The following YTHDC2 variants were observed in gnomAD, a reference collection of about 807,000 sequenced individuals.
YTHDC2 encodes YTH N6-methyladenosine RNA binding protein C2.
Under a neutral mutation model 174.9 loss-of-function variants are expected in YTHDC2, and 45 were observed. The observed-to-expected ratio is 0.26, with a 90% CI of 0.20 to 0.33. The LOEUF (loss-of-function observed/expected upper bound fraction) is 0.33. Among genes scored for constraint, YTHDC2 ranks in the 10% least tolerant of loss-of-function variants. The pLI, the probability that YTHDC2 is intolerant of heterozygous loss-of-function variation, is 1.00. For synonymous variants in YTHDC2, 657 were observed against 574.5 expected, an observed-to-expected ratio of 1.14 and a Z score of -2.05; for missense variants, 1,650 against 1,723.7, an observed-to-expected ratio of 0.96 and a Z score of 0.76.
At chr5:113,542,575 G>C (rs538841623) in intron 10 of YTHDC2, 72 bp downstream of exon 10, 219 of 1,394,778 alleles carry the variant, frequency 1.6e-4, no homozygotes, top group Non-Finnish European at 1.8e-4. Flanking sequence ...AATTCAAAAC[G>C]TATGTACTAC....
chr5:113,535,694 G>A lies in YTHDC2; in HGVS notation c.998G>A (p.Arg333Lys). ...RFSDFLLTKLRDLLQKHPTLK... is the reference protein window; with the variant it reads ...RFSDFLLTKLKDLLQKHPTLK... The stretch of plus-strand genomic sequence containing the variant: ...AGTGATTTTTTACTTACAAAGTTAA[G>A]AGATTTGTTGCAAAAGCACCCAACT... The change falls in exon 7 of 30, where the codon AGA becomes AAA. Residue 333 changes from arginine (R) to lysine (K), a missense_variant. Around this residue, in one of 5 missense-constraint regions of YTHDC2, gnomAD observed 411 missense variants for 380.6 expected, o/e 1.08. Coordinates refer to ENST00000161863, the MANE Select transcript of YTHDC2 (RefSeq NM_022828.5). The A allele has an allele frequency of 6.2e-7, 1 of 1,613,778 alleles. No individual in the cohort carries two copies. The highest frequency in any genetic ancestry group is 8.5e-7 in the Non-Finnish European group (1 of 1,179,872).
intron 23 of YTHDC2, among the ~76,000 whole-genome samples, chr5:113,576,352 T>A (rs1172629410): frequency 1.4e-4 from 21 of 152,214 alleles, no homozygotes; most frequent in Admixed American, 1.4e-3. Flanking sequence ...TAAGTTTGTA[T>A]GAAGAGAGTA....
intron 2 of YTHDC2, among the ~76,000 whole-genome samples, 166 bp downstream of exon 2, chr5:113,515,528 C>T (rs1016150699): frequency 6.6e-6 from 1 of 152,112 alleles, no homozygotes; most frequent in East Asian, 1.9e-4. Flanking sequence ...CAACTCTTTC[C>T]TCTTCCCTCT....
rs563568443 is a variant in YTHDC2, at chr5:113,594,672, A to G, written c.*1198A>G. The G allele has an allele frequency of 2.0e-5, 3 of 152,334 alleles. No individual in the cohort carries two copies. The South Asian group carries it at 6.2e-4, about 32-fold the overall frequency. The allele number at this position is 152,334 out of a possible 1,614,324, so 9.4% of individuals were successfully genotyped here. ...AAATAGAGCAACAGGGAAAAATGAA[A>G]GAAATGTCTTGGTTACTGAGCTCTA... On this transcript the variant is annotated 3_prime_UTR_variant, in exon 30 of 30. Transcript: ENST00000161863.
At chr5:113,541,355 C>G (rs1455481656) in intron 9 of YTHDC2, among the ~76,000 whole-genome samples, 1 of 152,042 alleles carries the variant, frequency 6.6e-6, no homozygotes, top group African/African-American at 2.4e-5. Flanking sequence ...CCATGTCCAG[C>G]TAAATTTTTG....
At chr5:113,562,563 G>A (rs939727970) in intron 18 of YTHDC2, among the ~76,000 whole-genome samples, 9 of 152,116 alleles carry the variant, frequency 5.9e-5, no homozygotes, top group African/African-American at 9.7e-5. Context: ...CCAGTCACAG[G>A]AAGGAAGGAA....
intron 4 of YTHDC2, among the ~76,000 whole-genome samples, chr5:113,531,780 CAG>C (rs1033307328): frequency 1.6e-4 from 24 of 151,084 alleles, no homozygotes; most frequent in African/African-American, 5.8e-4. Flanking sequence ...AAAATAAAAA[CAG>C]TTATATTTTT....
At chr5:113,580,608 C>G (rs779784673) in intron 24 of YTHDC2, among the ~76,000 whole-genome samples, 6 of 152,324 alleles carry the variant, frequency 3.9e-5, no homozygotes, top group Admixed American at 2.0e-4. Flanking sequence ...CTACTACACT[C>G]TCACTTCCAT....
intron 17 of YTHDC2, among the ~76,000 whole-genome samples, chr5:113,556,797 G>GAGTAT (rs1319858369): frequency 6.6e-6 from 1 of 152,118 alleles, no homozygotes; most frequent in African/African-American, 2.4e-5. Context: ...AATTTATCCT[G>GAGTAT]AGTATGCTTG....
intron 2 of YTHDC2, among the ~76,000 whole-genome samples, chr5:113,521,971 T>G (rs1773895718): frequency 6.6e-6 from 1 of 151,876 alleles, no homozygotes; most frequent in African/African-American, 2.4e-5. Context: ...AAGTACAAAT[T>G]AGTATGATGC....
At chr5:113,567,897 T>G in intron 23 of YTHDC2, 48 bp downstream of exon 23, 1 of 1,370,814 alleles carries the variant, frequency 7.3e-7, no homozygotes, top group Non-Finnish European at 9.6e-7. Flanking sequence ...AATTTTTTTT[T>G]TTTACCAAAT....
At position 113,541,003 on chromosome 5, in the gene YTHDC2, T is replaced by G; in HGVS notation, c.1246T>G (p.Ser416Ala). The G allele has an allele frequency of 6.2e-7, 1 of 1,614,106 alleles. No homozygotes were observed. Among genetic ancestry groups the G allele is most frequent in the Non-Finnish European group, 8.5e-7 (1 of 1,179,990 alleles). ...ACAAACCACACTTACAGAATGGTAC[T>G]CAGCTCAAGAAAATAGTTTCAAGCC... Reference protein sequence around the residue: ...KQQTTLTEWYSAQENSFKPES... With the variant: ...KQQTTLTEWYAAQENSFKPES... The change falls in exon 9 of 30, where the codon TCA becomes GCA. Residue 416 changes from serine to alanine, a missense_variant. Ser to Ala is a moderately conservative substitution (Grantham distance 99). Around this residue, in one of 5 missense-constraint regions of YTHDC2, gnomAD observed 411 missense variants for 380.6 expected, o/e 1.08. Transcript: ENST00000161863.
rs1778984208 is a variant in YTHDC2, at chr5:113,591,150, C to G, written c.3935C>G (p.Thr1312Arg). 6.2e-7 allele frequency: 1 copy of G among 1,613,878 alleles called. No homozygotes were observed. The highest frequency in any genetic ancestry group is 1.3e-5 in the African/African-American group (1 of 74,910). ...EISQQKGIWSTTPSNERKLNR... is the reference protein window; with the variant it reads ...EISQQKGIWSRTPSNERKLNR... ...TCTCAACAGAAGGGTATCTGGTCTA[C>G]AACTCCTAGTAATGAACGGAAGCTA... The change falls in exon 27 of 30, where the codon ACA becomes AGA. Residue 1312 changes from threonine to arginine, a missense_variant. Transcript: ENST00000161863.
chr5:113,591,767 A>G (rs1411236710), intron 27 of YTHDC2, among the ~76,000 whole-genome samples: 4 of 152,132 alleles, frequency 2.6e-5, no homozygotes, highest in Non-Finnish European at 5.9e-5. Context: ...AGAAATCATT[A>G]TTGATATTTG....
intron 12 of YTHDC2, among the ~76,000 whole-genome samples, chr5:113,552,645 A>T (rs771730776): frequency 1.3e-5 from 2 of 152,070 alleles, no homozygotes; most frequent in African/African-American, 4.8e-5. Context: ...TTATGTGGAT[A>T]TATTTTTTTC....
intron 8 of YTHDC2, among the ~76,000 whole-genome samples, chr5:113,539,716 T>A (rs1313859772): frequency 6.6e-6 from 1 of 152,188 alleles, no homozygotes; most frequent in Non-Finnish European, 1.5e-5. Flanking sequence ...TCATTATTCA[T>A]CATAGAAGAC....
chr5:113,567,763 C>T lies in YTHDC2; in HGVS notation c.3158C>T (p.Ser1053Leu). Residue 1053 changes from serine (S) to leucine (L), a missense_variant, in exon 23 of 30, where the codon TCA (serine) becomes TTA (leucine). Around this residue, in one of 5 missense-constraint regions of YTHDC2, gnomAD observed 913 missense variants for 940.4 expected, o/e 0.97. Transcript: ENST00000161863. ...AGAATAGCTAATATTAGATGTTGTT[C>T]AGCAGTGACGCCTGTCACTATATTG... ...AHRIANIRCC[S>L]AVTPVTILVF... is the part of the protein sequence containing the mutation. The T allele has an allele frequency of 1.2e-6, 2 of 1,610,010 alleles. No homozygotes were observed. Among genetic ancestry groups the T allele is most frequent in the Non-Finnish European group, 8.5e-7 (1 of 1,178,076 alleles).
At chr5:113,570,580 G>C (rs1026394893) in intron 23 of YTHDC2, among the ~76,000 whole-genome samples, 1 of 151,980 alleles carries the variant, frequency 6.6e-6, no homozygotes, top group African/African-American at 2.4e-5. Context: ...TGAGATAATG[G>C]GTTTTCTAGA....
At chr5:113,530,986 C>T (rs1194878521) in intron 4 of YTHDC2, among the ~76,000 whole-genome samples, 1 of 152,046 alleles carries the variant, frequency 6.6e-6, no homozygotes, top group African/African-American at 2.4e-5. Flanking sequence ...TTTCTTCCCG[C>T]CCCCCAACTC....
Sources: gnomAD v4.1 joint callset for allele counts (sites outside exome capture counted in the v4.1 genomes callset) on GRCh38, gnomAD v4.1.1 for gene constraint, gnomAD v4.1.1 regional missense constraint, MANE v1.5 for transcripts, NCBI Gene and HGNC (gene_info 2026-07-23, HGNC 2026-07-21) for gene names.